The following CGREF1 variants were observed in gnomAD, a reference collection of about 807,000 sequenced individuals.
CGREF1 encodes the protein cell growth regulator with EF-hand domain 1, also known as cell growth regulator with EF hand domain protein 1.
Under a neutral mutation model 17.4 loss-of-function variants are expected in CGREF1, and 16 were observed. The ratio of observed to expected loss-of-function variants is 0.92; its 90% confidence interval spans 0.62 to 1.40. The LOEUF (loss-of-function observed/expected upper bound fraction) is 1.40. Ranked by LOEUF, CGREF1 falls within the 40% of genes most tolerant of loss-of-function variation. The pLI, the probability that CGREF1 is intolerant of heterozygous loss-of-function variation, is 0.00. For missense variants in CGREF1, 296 were observed against 376.4 expected (o/e 0.79, Z 1.77); for synonymous variants, 142 against 154.6 (o/e 0.92, Z 0.61).
At chr2:27,108,746 G>C (rs1053317070) in intron 1 of CGREF1, among the ~76,000 whole-genome samples, 10 of 152,130 alleles carry the variant, frequency 6.6e-5, no homozygotes, top group African/African-American at 2.4e-4. Context: ...GTTCAGAGAG[G>C]GGAGAAAATT....
intron 1 of CGREF1, among the ~76,000 whole-genome samples, chr2:27,118,154 CA>C (rs1354269399): frequency 1.3e-5 from 2 of 152,156 alleles, no homozygotes; most frequent in Non-Finnish European, 2.9e-5. Context: ...TGGGCTGTGG[CA>C]GGGGCCTTGC....
chr2:27,113,440 C>G (rs1671462117), intron 1 of CGREF1, among the ~76,000 whole-genome samples: 1 of 152,220 alleles, frequency 6.6e-6, no homozygotes, highest in Non-Finnish European at 1.5e-5. Context: ...GTGAGGCACT[C>G]TCTTATCACT....
intron 1 of CGREF1, among the ~76,000 whole-genome samples, chr2:27,109,908 AAAAG>A: frequency 6.6e-6 from 1 of 151,088 alleles, no homozygotes; most frequent in African/African-American, 2.4e-5. Flanking sequence ...AAAAAAAAAA[AAAAG>A]CATGTTAAAA....
At chr2:27,100,304 C>T (rs558714226), downstream of CGREF1, 1,059 of 572,902 alleles carry the variant, frequency 1.8e-3, 23 homozygotes, top group South Asian at 0.017. Flanking sequence ...GGCAGGGGTG[C>T]GCCTCCTCTG....
chr2:27,104,715 C>T (rs1042666042), intron 1 of CGREF1: 2 of 1,534,172 alleles, frequency 1.3e-6, no homozygotes, highest in African/African-American at 2.8e-5. Flanking sequence ...CATATCTGAC[C>T]TCCTTCAGCC....
intron 2 of CGREF1, among the ~76,000 whole-genome samples, chr2:27,104,066 G>A (rs190051134): frequency 1.3e-5 from 2 of 152,284 alleles, no homozygotes; most frequent in East Asian, 3.9e-4. Flanking sequence ...ATGCACTGGA[G>A]CTGAGTTCTC....
chr2:27,102,201 G>A lies in CGREF1; in HGVS notation c.238C>T (p.Leu80Phe), dbSNP rs1172614580. 1 of 1,612,170 alleles carries A rather than the reference G, an allele frequency of 6.2e-7. No homozygotes were observed. Among genetic ancestry groups the A allele is most frequent in the Non-Finnish European group, 8.5e-7 (1 of 1,178,446 alleles). The change falls in exon 5 of 6, where the codon CTC (leucine) becomes TTC (phenylalanine). Residue 80 changes from leucine to phenylalanine, a missense_variant. By Grantham distance (22) the Leu-to-Phe change is conservative (BLOSUM62 0). Around this residue, in one of 3 missense-constraint regions of CGREF1, gnomAD observed 247 missense variants for 267.2 expected, o/e 0.92. Transcript: ENST00000402394. ...TGTCCACTCTGGTCATAGTCATGGAGGGCAAAGAGGTAGAGGAGAACTAAA... is the reference window on the plus strand; with the variant it reads ...TGTCCACTCTGGTCATAGTCATGGAAGGCAAAGAGGTAGAGGAGAACTAAA... ...REQVLLYLFA[L>F]HDYDQSGQLD... is the part of the protein sequence containing the mutation.
At chr2:27,104,589 G>C in intron 1 of CGREF1, 1 of 1,550,614 alleles carries the variant, frequency 6.4e-7, no homozygotes, top group South Asian at 1.2e-5. Context: ...TGTATATAAA[G>C]CACATAAAGG....
rs1670796485 is a variant in CGREF1, at chr2:27,101,077, A to G, written c.*197T>C. 1.5e-6 allele frequency: 2 copies of G among 1,337,702 alleles called. No homozygotes were observed. Among genetic ancestry groups the G allele is most frequent in the Admixed American group, 3.6e-5 (1 of 27,812 alleles). 82.9% of individuals were successfully genotyped at this position (1,337,702 alleles called of 1,614,324 possible). A position where few individuals can be genotyped will look rare whatever the true frequency, so the allele number is the denominator to read the frequency against. On this transcript the variant is annotated 3_prime_UTR_variant, in exon 6 of 6. Transcript: ENST00000402394. ...GACGGGTAGAGAGGTGGCCGGGGGG[A>G]TGAATTCATTCAGTTCTTTATTGGT...
chr2:27,110,023 G>A (rs1287319546), intron 1 of CGREF1, among the ~76,000 whole-genome samples: 1 of 150,818 alleles, frequency 6.6e-6, no homozygotes, highest in African/African-American at 2.4e-5. Context: ...AAGAAAGGCA[G>A]AAAAAGAAGA....
intron 1 of CGREF1, among the ~76,000 whole-genome samples, chr2:27,115,956 G>A (rs1328944758): frequency 6.6e-6 from 1 of 152,138 alleles, no homozygotes; most frequent in African/African-American, 2.4e-5. Context: ...GCTCACGCCT[G>A]TAATCCCAGT....
chr2:27,107,684 C>G (rs1186094114), intron 1 of CGREF1, among the ~76,000 whole-genome samples: 3 of 151,170 alleles, frequency 2.0e-5, no homozygotes, highest in Non-Finnish European at 4.4e-5. Context: ...CCTGTAGTCC[C>G]CGCACTTTAG....
intron 1 of CGREF1, among the ~76,000 whole-genome samples, chr2:27,105,517 T>C (rs1402072583): frequency 6.6e-6 from 1 of 151,498 alleles, no homozygotes; most frequent in African/African-American, 2.4e-5. Context: ...AAGATGAAGC[T>C]ACCTAGAGTC....
At chr2:27,099,832 C>T (rs772330032), downstream of CGREF1, 7 of 1,563,376 alleles carry the variant, frequency 4.5e-6, no homozygotes, top group Non-Finnish European at 6.1e-6. Context: ...GCCTGGCGTC[C>T]AGGTTGCCCT....
chr2:27,100,125 T>C, downstream of CGREF1: 1 of 545,086 alleles, frequency 1.8e-6, no homozygotes, highest in Non-Finnish European at 3.3e-6. Flanking sequence ...TGCCCTGGGC[T>C]TGCCACCAGC....
Position 27,102,600 on chromosome 2 carries a change from G to C in CGREF1, c.81-9C>G. The C allele has an allele frequency of 6.2e-7, 1 of 1,609,418 alleles. No homozygotes were observed. Among genetic ancestry groups the C allele is most frequent in the Non-Finnish European group, 8.5e-7 (1 of 1,179,378 alleles). On this transcript the variant is annotated splice_polypyrimidine_tract_variant and intron_variant, in intron 2 of 5. Transcript: ENST00000402394. The stretch of plus-strand genomic sequence containing the variant: ...GCACTTCAGAGTCTGGCCTGGAGGA[G>C]GAAGGGGAGGACCAGCCTTGCAGAG...
At position 27,100,750 on chromosome 2, in the gene CGREF1, T is replaced by A. The variant is rs184604980; in HGVS notation, c.*524A>T. ...ATCATATATAAAATGCCCAGCATGA[T>A]GCCTGATGTGTACAAGGCTCTCAAA... On this transcript the variant is annotated 3_prime_UTR_variant, in exon 6 of 6. Transcript: ENST00000402394. The A allele has an allele frequency of 2.4e-5, 28 of 1,160,528 alleles. No homozygotes were observed. In the Admixed American group the frequency reaches 8.8e-4, roughly 37 times the overall value. 71.9% of individuals were successfully genotyped at this position (1,160,528 alleles called of 1,614,324 possible).
chr2:27,105,308 G>C (rs572109679), intron 1 of CGREF1, among the ~76,000 whole-genome samples: 3 of 152,148 alleles, frequency 2.0e-5, no homozygotes, highest in Non-Finnish European at 4.4e-5. Flanking sequence ...TTTTCCTAGA[G>C]GAAGGTTCAT....
intron 2 of CGREF1, 70 bp from the exon 3 acceptor site, chr2:27,102,661 C>G: frequency 6.7e-7 from 1 of 1,485,340 alleles, no homozygotes; most frequent in Non-Finnish European, 9.1e-7. Flanking sequence ...AACCTTCTGC[C>G]TCCAATCTCC....
Sources: gnomAD v4.1 joint callset for allele counts (sites outside exome capture counted in the v4.1 genomes callset) on GRCh38, gnomAD v4.1.1 for gene constraint, gnomAD v4.1.1 regional missense constraint, MANE v1.5 for transcripts, NCBI Gene and HGNC (gene_info 2026-07-23, HGNC 2026-07-21) for gene names.